The following UMAD1 variants were observed in gnomAD, a reference collection of about 807,000 sequenced individuals.
UMAD1 encodes the protein UBAP1-MVB12-associated (UMA)-domain containing protein 1.
In UMAD1, 8 loss-of-function variants were observed where a neutral mutation model predicts 6.1. That is an observed-to-expected ratio of 1.30 (90% CI 0.76 to 2.35). UMAD1 has a LOEUF of 2.35. Ranked by LOEUF, UMAD1 falls within the 30% of genes most tolerant of loss-of-function variation. The pLI, the probability that UMAD1 is intolerant of heterozygous loss-of-function variation, is 0.00. For missense variants in UMAD1, 130 were observed against 78.4 expected (o/e 1.66, Z -2.49); for synonymous variants, 56 against 31.4 (o/e 1.78, Z -2.61).
chr7:7,685,724 C>T (rs763823528), intron 2 of UMAD1: 11 of 152,090 alleles, frequency 7.2e-5, no homozygotes, highest in East Asian at 1.9e-4. Context: ...CTTTCCTTTC[C>T]GTACTATTCT....
intron 3 of UMAD1, 56 bp from the exon 4 acceptor site, chr7:7,877,225 G>T (rs754825193): frequency 2.5e-4 from 173 of 682,794 alleles, no homozygotes; most frequent in Non-Finnish European, 4.2e-4. Context: ...CACATTTACC[G>T]TTATTCAACC....
intron 2 of UMAD1, among the ~76,000 whole-genome samples, chr7:7,712,730 A>C (rs114536294): frequency 2.0e-5 from 3 of 152,178 alleles, no homozygotes; most frequent in African/African-American, 2.4e-5. Flanking sequence ...GTCAAAGAAA[A>C]CATCTTTTCC....
intron 2 of UMAD1, among the ~76,000 whole-genome samples, chr7:7,726,979 C>T (rs369674643): frequency 3.3e-5 from 5 of 152,116 alleles, no homozygotes; most frequent in Non-Finnish European, 4.4e-5. Flanking sequence ...TTCAGGTCAG[C>T]GGGAAACTAC....
chr7:7,849,764 T>G (rs1192057016), intron 3 of UMAD1, among the ~76,000 whole-genome samples: 1 of 150,532 alleles, frequency 6.6e-6, no homozygotes, highest in African/African-American at 2.5e-5. Flanking sequence ...GTACAGCAAA[T>G]GAAATAATCT....
At chr7:7,671,469 T>C (rs906407710) in intron 1 of UMAD1, among the ~76,000 whole-genome samples, 2 of 152,244 alleles carry the variant, frequency 1.3e-5, no homozygotes, top group East Asian at 3.8e-4. Flanking sequence ...TATTTGATCC[T>C]TAGCTGAGGC....
chr7:7,737,156 T>A (rs1207753595), intron 2 of UMAD1, among the ~76,000 whole-genome samples: 1 of 152,232 alleles, frequency 6.6e-6, no homozygotes, highest in Non-Finnish European at 1.5e-5. Context: ...GTATATTAAT[T>A]GAGGGGAAAA....
intron 2 of UMAD1, among the ~76,000 whole-genome samples, chr7:7,703,494 C>CA (rs1780519524): frequency 6.6e-6 from 1 of 152,160 alleles, no homozygotes; most frequent in African/African-American, 2.4e-5. Context: ...ATAGCACATA[C>CA]ACATAATTTT....
At chr7:7,702,940 T>TG (rs1332764636) in intron 2 of UMAD1, among the ~76,000 whole-genome samples, 1 of 152,246 alleles carries the variant, frequency 6.6e-6, no homozygotes, top group East Asian at 1.9e-4. Flanking sequence ...ATTTTTCACT[T>TG]GCGTCATTCT....
intron 2 of UMAD1, among the ~76,000 whole-genome samples, chr7:7,721,921 T>C (rs1781057602): frequency 6.6e-6 from 1 of 152,112 alleles, no homozygotes; most frequent in African/African-American, 2.4e-5. Flanking sequence ...TCTAATCAGC[T>C]GCCCGCTTGG....
intron 2 of UMAD1, among the ~76,000 whole-genome samples, chr7:7,734,650 C>G (rs893128481): frequency 1.3e-5 from 2 of 152,040 alleles, no homozygotes; most frequent in African/African-American, 4.8e-5. Context: ...AAAATAAAGC[C>G]CTTCGCCATA....
intron 2 of UMAD1, among the ~76,000 whole-genome samples, chr7:7,767,787 C>G (rs1243540456): frequency 6.6e-6 from 1 of 152,212 alleles, no homozygotes; most frequent in Non-Finnish European, 1.5e-5. Flanking sequence ...GCCTAAGCAA[C>G]TTGCCCGAGG....
chr7:7,734,425 GATA>G (rs987671875), intron 2 of UMAD1, among the ~76,000 whole-genome samples: 9 of 152,046 alleles, frequency 5.9e-5, no homozygotes, highest in Non-Finnish European at 1.3e-4. Context: ...AGAATTTCAT[GATA>G]ATAAGAAGCT....
chr7:7,825,566 C>T (rs188813602), intron 3 of UMAD1, among the ~76,000 whole-genome samples: 1 of 152,086 alleles, frequency 6.6e-6, no homozygotes, highest in Non-Finnish European at 1.5e-5. Context: ...TCTCATGAGA[C>T]TTATTCACTA....
At chr7:7,657,944 G>T (rs1034147434) in intron 1 of UMAD1, among the ~76,000 whole-genome samples, 2 of 152,178 alleles carry the variant, frequency 1.3e-5, no homozygotes, top group Non-Finnish European at 2.9e-5. Flanking sequence ...CTATCCATGA[G>T]CATGGAATGT....
At chr7:7,725,079 C>G (rs962826476) in intron 2 of UMAD1, among the ~76,000 whole-genome samples, 1 of 152,186 alleles carries the variant, frequency 6.6e-6, no homozygotes, top group African/African-American at 2.4e-5. Context: ...AACCTTCCAC[C>G]TCAGTAAAAT....
At chr7:7,804,596 C>A (rs936259122) in intron 3 of UMAD1, among the ~76,000 whole-genome samples, 1 of 152,198 alleles carries the variant, frequency 6.6e-6, no homozygotes, top group Non-Finnish European at 1.5e-5. Context: ...CTGCTTGAAA[C>A]TGGGAGGCGG....
At chr7:7,841,056 G>GT (rs1783670783) in intron 3 of UMAD1, among the ~76,000 whole-genome samples, 2 of 152,174 alleles carry the variant, frequency 1.3e-5, no homozygotes, top group Non-Finnish European at 2.9e-5. Flanking sequence ...CAGTGTACCT[G>GT]TGCCAGGGTT....
intron 2 of UMAD1, among the ~76,000 whole-genome samples, chr7:7,784,779 TGA>T (rs1449186133): frequency 3.1e-4 from 28 of 90,262 alleles, no homozygotes; most frequent in Admixed American, 2.6e-3. Context: ...TTTTTTTTTT[TGA>T]GACGGAGTCT....
intron 2 of UMAD1, among the ~76,000 whole-genome samples, chr7:7,682,551 A>G (rs944295589): frequency 2.6e-5 from 4 of 152,210 alleles, no homozygotes; most frequent in Admixed American, 1.3e-4. Flanking sequence ...GAGGGACAGT[A>G]AGTCACTTTG....
Sources: gnomAD v4.1 joint callset for allele counts (sites outside exome capture counted in the v4.1 genomes callset) on GRCh38, gnomAD v4.1.1 for gene constraint, MANE v1.5 for transcripts, NCBI Gene and HGNC (gene_info 2026-07-23, HGNC 2026-07-21) for gene names.